The following RBFOX1 variants were observed in gnomAD, a reference collection of about 807,000 sequenced individuals.
RBFOX1 encodes the protein RNA binding fox-1 homolog 1.
RBFOX1 carries 8 observed loss-of-function variants against 57.7 expected under a neutral mutation model. The observed-to-expected ratio is 0.14, with a 90% CI of 0.08 to 0.25. The LOEUF (loss-of-function observed/expected upper bound fraction) is 0.25. Among genes scored for constraint, RBFOX1 ranks in the 10% least tolerant of loss-of-function variants. RBFOX1 has a pLI of 1.00. For missense variants in RBFOX1, 611 were observed against 548.5 expected (o/e 1.11, Z -1.14); for synonymous variants, 326 against 222.4 (o/e 1.47, Z -4.15).
intron 2 of RBFOX1, among the ~76,000 whole-genome samples, chr16:6,430,165 T>A (rs2153002972): frequency 6.6e-6 from 1 of 151,982 alleles, no homozygotes; most frequent in South Asian, 2.1e-4. Context: ...TTTATAATAA[T>A]TACCCAGTCC....
At position 6,867,949 on chromosome 16, in the gene RBFOX1, TCAGA is replaced by T. The variant is rs1363376896; in HGVS notation, c.-15-184105_-15-184102del. Among the ~76,000 whole-genome samples, 5 of 152,300 alleles carry T rather than the reference TCAGA, an allele frequency of 3.3e-5. No individual in the cohort carries two copies. The South Asian group carries it at 1.0e-3, about 32-fold the overall frequency. On this transcript the variant is annotated intron_variant, in intron 3 of 15. Transcript: ENST00000550418. ...GAAGCCAAGCGTCCAGAACTATGGC[TCAGA>T]CAAATTGGCAGTTGAATTTTGATTT... is the stretch of plus-strand genomic sequence containing the variant.
intron 4 of RBFOX1, among the ~76,000 whole-genome samples, chr16:7,443,743 C>G (rs2098787815): frequency 6.6e-6 from 1 of 152,140 alleles, no homozygotes; most frequent in South Asian, 2.1e-4. Flanking sequence ...CCTCTCTAAA[C>G]CGAAAACTTT....
At chr16:5,343,298 G>GTTTTTT (rs33934959) in intron 1 of RBFOX1, among the ~76,000 whole-genome samples, 8 of 109,940 alleles carry the variant, frequency 7.3e-5, no homozygotes, top group South Asian at 3.5e-4. Context: ...CTTCTTTGAA[G>GTTTTTT]TTTTTTTTTT....
At chr16:7,706,429 A>C (rs1227252727) in intron 14 of RBFOX1, among the ~76,000 whole-genome samples, 6 of 152,198 alleles carry the variant, frequency 3.9e-5, no homozygotes, top group Admixed American at 1.3e-4. Context: ...ACAAAGGTTG[A>C]AACTATGCCC....
At chr16:7,579,032 T>C (rs775196762) in intron 5 of RBFOX1, among the ~76,000 whole-genome samples, 32 of 152,360 alleles carry the variant, frequency 2.1e-4, no homozygotes, top group Admixed American at 1.2e-3. Flanking sequence ...GGAAACGTTC[T>C]GTATTTGCAT....
chr16:7,032,904 C>G (rs2043182140), intron 3 of RBFOX1, among the ~76,000 whole-genome samples: 1 of 152,128 alleles, frequency 6.6e-6, no homozygotes, highest in African/African-American at 2.4e-5. Context: ...GCATGTCTCT[C>G]TTTTGGGAAG....
chr16:5,250,808 C>T (rs148159889), intron 1 of RBFOX1, among the ~76,000 whole-genome samples: 1,692 of 152,266 alleles, frequency 0.011, 23 homozygotes, highest in African/African-American at 0.039. Flanking sequence ...CGCCTTTTCC[C>T]AGTCACAGAC....
At chr16:6,962,155 C>T (rs1288107855) in intron 3 of RBFOX1, among the ~76,000 whole-genome samples, 1 of 152,158 alleles carries the variant, frequency 6.6e-6, no homozygotes, top group African/African-American at 2.4e-5. Flanking sequence ...AGAATCCCTC[C>T]TTTCTACTTC....
intron 2 of RBFOX1, among the ~76,000 whole-genome samples, chr16:6,417,855 T>G (rs1296380915): frequency 6.6e-6 from 1 of 152,118 alleles, no homozygotes; most frequent in Non-Finnish European, 1.5e-5. Flanking sequence ...GATTTACACA[T>G]GTAAATCATT....
intron 4 of RBFOX1, among the ~76,000 whole-genome samples, chr16:7,122,469 G>T (rs936962245): frequency 1.4e-4 from 22 of 151,970 alleles, no homozygotes; most frequent in African/African-American, 5.1e-4. Flanking sequence ...CCGTGAAAAG[G>T]TATTTAACAT....
intron 4 of RBFOX1, among the ~76,000 whole-genome samples, chr16:5,944,401 G>C (rs7195248): frequency 0.7 from 107,129 of 152,038 alleles, 38,461 homozygotes; most frequent in African/African-American, 0.84. Flanking sequence ...ACATGAAGAC[G>C]TGAGACTGCT....
At chr16:6,176,338 T>TTA (rs2097008733) in intron 1 of RBFOX1, among the ~76,000 whole-genome samples, 1 of 145,946 alleles carries the variant, frequency 6.9e-6, no homozygotes, top group East Asian at 2.0e-4. Flanking sequence ...TTTTTTTTTT[T>TTA]AGTAGATATG....
intron 2 of RBFOX1, among the ~76,000 whole-genome samples, chr16:6,494,427 A>G (rs1173372648): frequency 6.6e-6 from 1 of 152,106 alleles, no homozygotes; most frequent in Non-Finnish European, 1.5e-5. Context: ...CCATTTGTAA[A>G]ACTTTGTTAT....
At chr16:5,725,266 C>G (rs997668298) in intron 3 of RBFOX1, among the ~76,000 whole-genome samples, 2 of 151,950 alleles carry the variant, frequency 1.3e-5, no homozygotes, top group South Asian at 2.1e-4. Flanking sequence ...TGTTAAGAGA[C>G]AGGGTCTTGC....
intron 1 of RBFOX1, among the ~76,000 whole-genome samples, chr16:6,096,669 A>G (rs1452456763): frequency 6.6e-6 from 1 of 152,194 alleles, no homozygotes; most frequent in African/African-American, 2.4e-5. Context: ...CTTACAGTTT[A>G]TCATGTACCG....
At chr16:5,726,346 G>C (rs1008096802) in intron 3 of RBFOX1, among the ~76,000 whole-genome samples, 1 of 152,014 alleles carries the variant, frequency 6.6e-6, no homozygotes, top group Non-Finnish European at 1.5e-5. Context: ...TGCTATGACC[G>C]GCCCTCTCTA....
In RBFOX1 at chr16:7,394,785, T is replaced by C. The variant is rs1167616542; in HGVS notation, c.28-123362T>C. On this transcript the variant is annotated intron_variant, in intron 4 of 15. Coordinates refer to ENST00000550418, the MANE Select transcript of RBFOX1 (RefSeq NM_018723.4). ...CAGGCAAGTCACTCTTTTTTCCTGG[T>C]ATAAATGATCAGATCGCTGCTGCAG... Among the ~76,000 whole-genome samples, 28 of 152,190 alleles carry C rather than the reference T, an allele frequency of 1.8e-4. 1 individual carries two copies. Among genetic ancestry groups the C allele is most frequent in the Admixed American group, 1.8e-3 (28 of 15,270 alleles).
intron 4 of RBFOX1, among the ~76,000 whole-genome samples, chr16:7,366,444 G>A (rs547611964): frequency 1.3e-5 from 2 of 152,208 alleles, no homozygotes; most frequent in South Asian, 4.1e-4. Flanking sequence ...AAATCATCCG[G>A]TCCAGCCTTC....
In RBFOX1 at chr16:6,903,406, C is replaced by T. The variant is rs537249633; in HGVS notation, c.-15-148651C>T. On this transcript the variant is annotated intron_variant, in intron 3 of 15. Coordinates refer to ENST00000550418, the MANE Select transcript of RBFOX1 (RefSeq NM_018723.4). ...CTAACATAGAGGCCAGTTCTGCGCT[C>T]CAATTAAAATTGACGAAAGATCCGT... Among the ~76,000 whole-genome samples the T allele has an allele frequency of 1.6e-4, 24 of 152,304 alleles. 1 individual carries two copies. In the Middle Eastern group the frequency reaches 0.01, roughly 65 times the overall value.
Sources: gnomAD v4.1 joint callset for allele counts (sites outside exome capture counted in the v4.1 genomes callset) on GRCh38, gnomAD v4.1.1 for gene constraint, MANE v1.5 for transcripts, NCBI Gene and HGNC (gene_info 2026-07-23, HGNC 2026-07-21) for gene names.